RXRA: variants seen among roughly 807,000 people sequenced by gnomAD.
RXRA encodes the protein retinoid X receptor alpha, also known as retinoic acid receptor RXR-alpha.
Under a neutral mutation model 44.5 loss-of-function variants are expected in RXRA, and 5 were observed. The ratio of observed to expected loss-of-function variants is 0.11; its 90% CI spans 0.06 to 0.24. The LOEUF (loss-of-function observed/expected upper bound fraction) is 0.24, where lower values mean the gene tolerates loss of function less well. Among genes scored for constraint, RXRA ranks in the 10% least tolerant of loss-of-function variants. The probability of loss-of-function intolerance (pLI) is 1.00; values close to 1 mark genes in which losing one functional copy is unlikely to be tolerated. For synonymous variants in RXRA, 291 were observed against 271.4 expected (o/e 1.07, Z -0.71); for missense variants, 412 against 646.5 (o/e 0.64, Z 3.93).
rs1830097187 is a variant in RXRA, at chr9:134,342,469, C to G, written c.28+15810C>G. On this transcript the variant is annotated intron_variant, in intron 1 of 9. Coordinates refer to ENST00000481739, the MANE Select transcript of RXRA (RefSeq NM_002957.6). The surrounding 1 kb of genome is among the most constrained non-coding windows in gnomAD (Gnocchi z 4.4). ...AAACTGAGGCACAGAGAGCAGGGGT[C>G]CCCCAGGTGGTCAGGCCCCAGAGGC... Among the ~76,000 whole-genome samples the G allele has an allele frequency of 1.3e-5, 2 of 152,210 alleles. No homozygotes were observed. Among genetic ancestry groups the G allele is most frequent in the African/African-American group, 4.8e-5 (2 of 41,448 alleles).
intron 1 of RXRA, among the ~76,000 whole-genome samples, chr9:134,333,079 GA>G (rs1835031169): frequency 6.6e-6 from 1 of 152,170 alleles, no homozygotes; most frequent in Non-Finnish European, 1.5e-5. Flanking sequence ...AGGGGGAGTA[GA>G]GCAGCCGGGC....
chr9:134,392,003 C>T (rs564095231), intron 1 of RXRA, among the ~76,000 whole-genome samples: 9 of 152,362 alleles, frequency 5.9e-5, no homozygotes, highest in African/African-American at 2.2e-4. Context: ...GTGGTAGCTG[C>T]GGCCTACGGC....
rs1169726236 is a variant in RXRA at position 134,437,216 on chromosome 9, G to C, written c.*602G>C. ...GCAAGCTGCCCTGTGCTCTGAGTGA[G>C]GGGGAAGGTAGCCCCTTTTTCCAAA... On this transcript the variant is annotated 3_prime_UTR_variant, in exon 10 of 10. Transcript: ENST00000481739. 6.5e-6 allele frequency: 1 copy of C among 153,966 alleles called. No homozygotes were observed. Among genetic ancestry groups the C allele is most frequent in the African/African-American group, 2.4e-5 (1 of 41,454 alleles). The allele number at this position is 153,966 out of a possible 1,614,324, so 9.5% of individuals were successfully genotyped here.
intron 6 of RXRA, among the ~76,000 whole-genome samples, chr9:134,428,359 CTG>C (rs1831471137): frequency 7.0e-6 from 1 of 142,848 alleles, no homozygotes; most frequent in African/African-American, 2.6e-5. Context: ...TGTTACCTAA[CTG>C]TCTGCCCCCC....
chr9:134,392,773 G>A (rs1160799228), intron 1 of RXRA, among the ~76,000 whole-genome samples: 1 of 152,184 alleles, frequency 6.6e-6, no homozygotes, highest in African/African-American at 2.4e-5. Context: ...CTGGCCCCTG[G>A]GTTCAGGACT....
chr9:134,345,089 T>C (rs1830134152), intron 1 of RXRA, among the ~76,000 whole-genome samples: 1 of 152,284 alleles, frequency 6.6e-6, no homozygotes, highest in South Asian at 2.1e-4. Flanking sequence ...TACCCCAGAC[T>C]CCAGCTCTCT....
rs773547211 is a variant in RXRA at position 134,431,986 on chromosome 9, C to T, written c.1125C>T (p.Leu375=). Residue 375 remains leucine, a synonymous_variant, in exon 8 of 10, where the codon CTC becomes CTT. Coordinates refer to ENST00000481739, the MANE Select transcript of RXRA (RefSeq NM_002957.6). The part of the protein sequence containing the change: ...TELGCLRAIV[L]FNPDSKGLSN... ...TGGGCTGCCTGCGCGCCATCGTCCT[C>T]TTTAACCCTGGTATGGCCTTCCTGC... 6.2e-7 allele frequency: 1 copy of T among 1,613,594 alleles called. No individual in the cohort carries two copies. The highest frequency in any genetic ancestry group is 8.5e-7 in the Non-Finnish European group (1 of 1,179,604).
chr9:134,361,415 A>G (rs1830350284), intron 1 of RXRA, among the ~76,000 whole-genome samples: 2 of 151,952 alleles, frequency 1.3e-5, no homozygotes, highest in South Asian at 4.2e-4. Context: ...GGCCCCTTCC[A>G]AGGGTCTGCC....
chr9:134,358,608 C>A (rs1186482197), intron 1 of RXRA, among the ~76,000 whole-genome samples: 10 of 152,344 alleles, frequency 6.6e-5, no homozygotes, highest in Admixed American at 3.9e-4. Context: ...GACCTGCTTT[C>A]CAGGCTCCTG....
chr9:134,403,598 AC>A (rs1831000240), intron 2 of RXRA: 1 of 151,788 alleles, frequency 6.6e-6, no homozygotes, highest in African/African-American at 2.4e-5. Context: ...ACAGTAGGTT[AC>A]CCCCTGCGGG....
intron 1 of RXRA, among the ~76,000 whole-genome samples, chr9:134,330,095 A>G (rs1469142126): frequency 6.6e-6 from 1 of 152,098 alleles, no homozygotes; most frequent in African/African-American, 2.4e-5. Context: ...CATGGGTCAA[A>G]TGTTTCAGGG....
chr9:134,355,468 C>T (rs937524852), intron 1 of RXRA, among the ~76,000 whole-genome samples: 3 of 148,374 alleles, frequency 2.0e-5, no homozygotes, highest in African/African-American at 2.5e-5. Flanking sequence ...GCTCAGTCAG[C>T]GCCGGGAACT....
chr9:134,375,280 C>T lies in RXRA; in HGVS notation c.29-26352C>T, dbSNP rs147891952. ...GAGCAGGCCGGGCCAGAGCGCGTGT[C>T]ACTGTGGGGAGGTGGGAGCTGCCTG... is the stretch of plus-strand genomic sequence containing the variant. On this transcript the variant is annotated intron_variant, in intron 1 of 9. Transcript: ENST00000481739. 9.0e-3 allele frequency among the ~76,000 whole-genome samples: 1,374 copies of T among 152,244 alleles called. 10 individuals carry two copies. The highest frequency in any genetic ancestry group is 0.015 in the Non-Finnish European group (1,007 of 68,000).
At chr9:134,409,930 T>C (rs1188516178) in intron 4 of RXRA, among the ~76,000 whole-genome samples, 1 of 152,198 alleles carries the variant, frequency 6.6e-6, no homozygotes, top group African/African-American at 2.4e-5. Context: ...TGTCCTCTGC[T>C]GTGCTGCTCC....
At chr9:134,377,292 G>A (rs1257293590) in intron 1 of RXRA, among the ~76,000 whole-genome samples, 1 of 152,188 alleles carries the variant, frequency 6.6e-6, no homozygotes, top group Non-Finnish European at 1.5e-5. Context: ...GCCCTCCCTG[G>A]GCCACATGCT....
intron 6 of RXRA, among the ~76,000 whole-genome samples, chr9:134,428,279 C>T (rs1831468892): frequency 6.9e-6 from 1 of 145,596 alleles, no homozygotes; most frequent in African/African-American, 2.6e-5. Context: ...CCCCAGGGAA[C>T]CCCCACTATG....
At chr9:134,334,531 C>T (rs1439490543) in intron 1 of RXRA, among the ~76,000 whole-genome samples, 4 of 152,222 alleles carry the variant, frequency 2.6e-5, no homozygotes, top group East Asian at 3.8e-4. Flanking sequence ...TGGGCTGTGG[C>T]GGTGGCAGTG....
At chr9:134,364,339 C>T (rs1446589875) in intron 1 of RXRA, among the ~76,000 whole-genome samples, 1 of 152,246 alleles carries the variant, frequency 6.6e-6, no homozygotes, top group African/African-American at 2.4e-5. Context: ...GGGCTCCAAG[C>T]CCTGGCATAT....
chr9:134,379,994 G>A (rs1313071624), intron 1 of RXRA: 1 of 985,222 alleles, frequency 1.0e-6, no homozygotes, highest in African/African-American at 1.7e-5. Flanking sequence ...CGGAGCTTCA[G>A]GATTAGGGAC....
Sources: gnomAD v4.1 joint callset for allele counts (sites outside exome capture counted in the v4.1 genomes callset) on GRCh38, gnomAD v4.1.1 for gene constraint, Gnocchi (gnomAD v3.1) non-coding constraint, MANE v1.5 for transcripts, NCBI Gene and HGNC (gene_info 2026-07-23, HGNC 2026-07-21) for gene names.